The following RASSF8 variants were observed in gnomAD, a reference collection of about 807,000 sequenced individuals.
RASSF8 encodes the protein Ras association domain family member 8, also known as ras association domain-containing protein 8.
RASSF8 carries 22 observed loss-of-function variants against 48.5 expected under a neutral mutation model. The ratio of observed to expected loss-of-function variants is 0.45; its 90% CI spans 0.32 to 0.65. The LOEUF is 0.65. Ranked by LOEUF, RASSF8 falls within the 30% of genes least tolerant of loss-of-function variation. The pLI is 0.03. For synonymous variants in RASSF8, 127 were observed against 171.5 expected (o/e 0.74, Z 2.03); for missense variants, 418 against 489.2 (o/e 0.85, Z 1.37).
At chr12:25,983,938 G>C (rs1386132068) in intron 1 of RASSF8, among the ~76,000 whole-genome samples, 1 of 152,168 alleles carries the variant, frequency 6.6e-6, no homozygotes, top group Non-Finnish European at 1.5e-5. Context: ...TGAACTACCA[G>C]TTCGTGCATC....
chr12:26,036,646 G>A (rs749147292), intron 2 of RASSF8, among the ~76,000 whole-genome samples: 15 of 151,988 alleles, frequency 9.9e-5, no homozygotes, highest in African/African-American at 1.4e-4. Context: ...AGTGGCTCAC[G>A]CCTATAATCC....
At chr12:26,012,957 T>G (rs532851174) in intron 2 of RASSF8, among the ~76,000 whole-genome samples, 2 of 152,208 alleles carry the variant, frequency 1.3e-5, no homozygotes, top group Non-Finnish European at 2.9e-5. Flanking sequence ...ACTACAGGCA[T>G]GAGCCACTGC....
At chr12:25,968,004 T>C (rs1941397777) in intron 1 of RASSF8, among the ~76,000 whole-genome samples, 1 of 152,246 alleles carries the variant, frequency 6.6e-6, no homozygotes, top group Non-Finnish European at 1.5e-5. Flanking sequence ...GTCTCGCCTT[T>C]CCTTGACTTT....
intron 1 of RASSF8, among the ~76,000 whole-genome samples, chr12:25,962,798 C>T (rs1592207734): frequency 6.6e-6 from 1 of 152,204 alleles, no homozygotes; most frequent in South Asian, 2.1e-4. Flanking sequence ...CAGACCCACA[C>T]TTTTCTATAT....
At chr12:26,036,882 C>G (rs1943163470) in intron 2 of RASSF8, among the ~76,000 whole-genome samples, 1 of 151,966 alleles carries the variant, frequency 6.6e-6, no homozygotes, top group South Asian at 2.1e-4. Flanking sequence ...CACCACTGCA[C>G]TCCAGCCTGG....
At chr12:26,063,727 C>T (rs1943798702) in intron 3 of RASSF8, among the ~76,000 whole-genome samples, 1 of 148,770 alleles carries the variant, frequency 6.7e-6, no homozygotes, top group East Asian at 1.9e-4. Context: ...CAATATTTTG[C>T]TTTGAGTTTT....
intron 1 of RASSF8, among the ~76,000 whole-genome samples, chr12:25,990,713 C>T (rs1335959470): frequency 6.6e-6 from 1 of 152,156 alleles, no homozygotes; most frequent in African/African-American, 2.4e-5. Flanking sequence ...GAAAAAACCA[C>T]CTTGAATGTT....
At chr12:26,026,341 A>G (rs78132616) in intron 2 of RASSF8, among the ~76,000 whole-genome samples, 10,706 of 152,358 alleles carry the variant, frequency 0.07, 422 homozygotes, top group Middle Eastern at 0.13. Context: ...ATGGCCAATC[A>G]GCAAATGAAA....
rs1204902750 is a variant in RASSF8, at chr12:26,064,703, G to T, written c.309G>T (p.Arg103Ser). The change falls in exon 4 of 6, where the codon AGG (arginine) becomes AGT (serine). Residue 103 changes from arginine (R) to serine (S), a missense_variant. Physicochemically the swap from Arg to Ser is moderately radical, Grantham distance 110. Transcript: ENST00000689635. ...VARIPERTLY[R>S]QSLPPLAKLR... is the part of the protein sequence containing the mutation. ...GAATTCCTGAAAGAACTTTATACAG[G>T]CAGAGTCTGCCCCCCTTAGCTAAAC... The T allele has an allele frequency of 6.2e-7, 1 of 1,614,128 alleles. No homozygotes were observed. The highest frequency in any genetic ancestry group is 1.7e-5 in the Admixed American group (1 of 60,014).
intron 2 of RASSF8, among the ~76,000 whole-genome samples, chr12:26,049,971 A>G (rs527960668): frequency 5.9e-5 from 9 of 152,192 alleles, no homozygotes; most frequent in Non-Finnish European, 1.0e-4. Flanking sequence ...TTTTTAGTAG[A>G]GACAGGGTTT....
intron 2 of RASSF8, among the ~76,000 whole-genome samples, chr12:26,026,877 A>G (rs1327899469): frequency 6.6e-6 from 1 of 152,242 alleles, no homozygotes; most frequent in Non-Finnish European, 1.5e-5. Flanking sequence ...CATATGACCC[A>G]GCAATTCTGC....
chr12:25,999,926 T>C (rs1942217268), intron 2 of RASSF8, among the ~76,000 whole-genome samples: 2 of 152,214 alleles, frequency 1.3e-5, no homozygotes, highest in African/African-American at 4.8e-5. Flanking sequence ...TGAACTTTGC[T>C]CTGAAGATAA....
chr12:26,054,454 A>C (rs1943558132), intron 2 of RASSF8, among the ~76,000 whole-genome samples: 1 of 152,252 alleles, frequency 6.6e-6, no homozygotes, highest in South Asian at 2.1e-4. Flanking sequence ...TTGTAATTTA[A>C]GAAAACTATC....
At chr12:26,017,741 G>A (rs1280349340) in intron 2 of RASSF8, among the ~76,000 whole-genome samples, 1 of 152,266 alleles carries the variant, frequency 6.6e-6, no homozygotes. Context: ...AAGCCCCCAT[G>A]CCACAGGAGG....
intron 3 of RASSF8, 123 bp downstream of exon 3, chr12:26,055,569 C>T: frequency 1.2e-6 from 1 of 802,324 alleles, no homozygotes; most frequent in South Asian, 1.6e-5. Context: ...GTCTCACAGG[C>T]ACTCTTGTAC....
At chr12:25,977,268 A>G (rs1941628648) in intron 1 of RASSF8, among the ~76,000 whole-genome samples, 1 of 152,210 alleles carries the variant, frequency 6.6e-6, no homozygotes, top group South Asian at 2.1e-4. Flanking sequence ...TCGTTATGGC[A>G]TCACTGAGAA....
At chr12:26,037,056 A>C (rs1943168289) in intron 2 of RASSF8, among the ~76,000 whole-genome samples, 1 of 152,306 alleles carries the variant, frequency 6.6e-6, no homozygotes, top group Middle Eastern at 3.4e-3. Flanking sequence ...TTGGTTGCCT[A>C]ATAATTTGTT....
chr12:26,076,728 A>G (rs1426140116), downstream of RASSF8, among the ~76,000 whole-genome samples: 3 of 152,120 alleles, frequency 2.0e-5, no homozygotes, highest in Non-Finnish European at 4.4e-5. Flanking sequence ...TAAACATACA[A>G]GTGCATGTGT....
chr12:26,029,268 T>G (rs933736409), intron 2 of RASSF8, among the ~76,000 whole-genome samples: 1 of 152,200 alleles, frequency 6.6e-6, no homozygotes, highest in Non-Finnish European at 1.5e-5. Context: ...GTGGGGCAGG[T>G]CTAGCCTCAC....
Sources: gnomAD v4.1 joint callset for allele counts (sites outside exome capture counted in the v4.1 genomes callset) on GRCh38, gnomAD v4.1.1 for gene constraint, MANE v1.5 for transcripts, NCBI Gene and HGNC (gene_info 2026-07-23, HGNC 2026-07-21) for gene names.